The following LRRC69 variants were observed in gnomAD, a reference collection of about 807,000 sequenced individuals.
LRRC69 encodes leucine-rich repeat-containing protein 69.
In LRRC69, 42 loss-of-function variants were observed where a neutral mutation model predicts 37.8. That is an observed-to-expected ratio of 1.11 (90% confidence interval 0.87 to 1.44). The LOEUF is 1.44. LRRC69 is among the 40% of genes most tolerant of loss of function. The pLI, the probability that LRRC69 is intolerant of heterozygous loss-of-function variation, is 0.00. For missense variants in LRRC69, 357 were observed against 401.9 expected (o/e 0.89, Z 0.96); for synonymous variants, 141 against 143.1 (o/e 0.99, Z 0.11).
chr8:91,168,904 C>G (rs1341657450), intron 5 of LRRC69, among the ~76,000 whole-genome samples: 1 of 151,802 alleles, frequency 6.6e-6, no homozygotes, highest in East Asian at 1.9e-4. Context: ...TACTTTTGAG[C>G]CCTTATTCTG....
intron 5 of LRRC69, among the ~76,000 whole-genome samples, chr8:91,176,134 A>ATATATATATATAT: frequency 1.6e-4 from 12 of 75,710 alleles, no homozygotes; most frequent in African/African-American, 4.3e-4. Context: ...ATATATATAT[A>ATATATATATATAT]TTTTTTTTTT....
At chr8:91,160,432 G>C (rs1054042435) in intron 5 of LRRC69, among the ~76,000 whole-genome samples, 1 of 150,876 alleles carries the variant, frequency 6.6e-6, no homozygotes, top group Non-Finnish European at 1.5e-5. Flanking sequence ...GTACTGACAT[G>C]GTTTGGCTCT....
chr8:91,143,266 A>C (rs1586242939), intron 5 of LRRC69, among the ~76,000 whole-genome samples: 2 of 152,052 alleles, frequency 1.3e-5, no homozygotes, highest in African/African-American at 4.8e-5. Context: ...GTCTTTTTAA[A>C]GTTCACCCTT....
At chr8:91,171,153 GA>G (rs35505592) in intron 5 of LRRC69, among the ~76,000 whole-genome samples, 25 of 151,968 alleles carry the variant, frequency 1.6e-4, no homozygotes, top group African/African-American at 5.8e-4. Context: ...CAGAATGTAT[GA>G]AAAAAAGAAT....
intron 7 of LRRC69, chr8:91,209,437 CAATA>C (rs150183776): frequency 0.66 from 98,944 of 148,882 alleles, 33,182 homozygotes; most frequent in Middle Eastern, 0.75. Context: ...AACTATGTCT[CAATA>C]AATAAATAAA....
chr8:91,121,177 T>G (rs1187917796), intron 1 of LRRC69, among the ~76,000 whole-genome samples: 1 of 152,058 alleles, frequency 6.6e-6, no homozygotes, highest in Non-Finnish European at 1.5e-5. Context: ...CTAAAGCCAT[T>G]GCCTCTTGCC....
At chr8:91,187,397 C>G (rs1358199395) in intron 5 of LRRC69, among the ~76,000 whole-genome samples, 1 of 152,176 alleles carries the variant, frequency 6.6e-6, no homozygotes, top group African/African-American at 2.4e-5. Context: ...CCAGTCTAGA[C>G]TGAAAAGGAG....
chr8:91,127,662 A>C (rs1813744070), intron 3 of LRRC69, among the ~76,000 whole-genome samples: 1 of 147,676 alleles, frequency 6.8e-6, no homozygotes, highest in Admixed American at 6.8e-5. Flanking sequence ...ATATCTGCAC[A>C]GGCAGAATGC....
intron 6 of LRRC69, among the ~76,000 whole-genome samples, chr8:91,198,600 A>G (rs1046787352): frequency 5.9e-5 from 9 of 152,154 alleles, no homozygotes; most frequent in African/African-American, 2.2e-4. Context: ...AGGACATATA[A>G]AATCAATTTC....
At chr8:91,190,383 G>T (rs114782522) in intron 6 of LRRC69, among the ~76,000 whole-genome samples, 1 of 151,416 alleles carries the variant, frequency 6.6e-6, no homozygotes, top group Non-Finnish European at 1.5e-5. Context: ...CTTTTAAAAA[G>T]TTTCTTACTA....
chr8:91,200,594 A>ATTT lies in LRRC69; in HGVS notation c.754-11_754-9dup. The ATTT allele has an allele frequency of 7.8e-7, 1 of 1,274,832 alleles. No individual in the cohort carries two copies. The highest frequency in any genetic ancestry group is 3.8e-5 in the Admixed American group (1 of 26,082). The allele number at this position is 1,274,832 out of a possible 1,614,324, so 79.0% of individuals were successfully genotyped here. ...TTTTGAAAACAATCTGAGGAACTGT[A>ATTT]TTTTTTTTTTCAATTTAGGAAATAA... is the stretch of plus-strand genomic sequence containing the variant. On this transcript the variant is annotated intron_variant, in intron 6 of 7. Coordinates refer to ENST00000448384, the Ensembl canonical transcript of LRRC69.
intron 5 of LRRC69, among the ~76,000 whole-genome samples, chr8:91,149,252 A>G (rs572997084): frequency 4.9e-4 from 75 of 151,948 alleles, no homozygotes; most frequent in Non-Finnish European, 9.0e-4. Context: ...TTCTTGAATT[A>G]ATTTTTGTAT....
intron 5 of LRRC69, among the ~76,000 whole-genome samples, chr8:91,148,398 C>A (rs1247629959): frequency 1.3e-5 from 2 of 151,802 alleles, no homozygotes; most frequent in African/African-American, 2.4e-5. Flanking sequence ...CATGTCCCTA[C>A]AAAGGACATG....
intron 5 of LRRC69, among the ~76,000 whole-genome samples, chr8:91,180,109 T>A (rs1809299009): frequency 6.6e-6 from 1 of 152,212 alleles, no homozygotes; most frequent in African/African-American, 2.4e-5. Context: ...GTATAACACA[T>A]TACCCCAAAA....
chr8:91,160,163 A>ATTTTTTCTTTTTTTT (rs542120217), intron 5 of LRRC69, among the ~76,000 whole-genome samples: 9 of 150,508 alleles, frequency 6.0e-5, no homozygotes, highest in Middle Eastern at 6.8e-3. Context: ...AAATGGGATA[A>ATTTTTTCTTTTTTTT]TTTTTTCTTG....
Position 91,200,654 on chromosome 8 carries a change from TA to T in LRRC69, c.797del (p.Asn266ThrfsTer4). On this transcript the variant is annotated frameshift_variant, in exon 7 of 8. Transcript: ENST00000448384. LOFTEE classifies it high-confidence loss of function. ...TTGTAATGAATCAGCTAGCAGAAAA[TA>T]ACCCTTTCCTAATGGATGACATAGA... 1 of 1,471,570 alleles carries T rather than the reference TA, an allele frequency of 6.8e-7. No individual in the cohort carries two copies. The highest frequency in any genetic ancestry group is 1.7e-4 in the Middle Eastern group (1 of 5,784). The allele number at this position is 1,471,570 out of a possible 1,614,324, so 91.2% of individuals were successfully genotyped here. A position where few individuals can be genotyped will look rare whatever the true frequency, so the allele number is the denominator to read the frequency against.
At chr8:91,206,195 A>T (rs980142867) in intron 7 of LRRC69, among the ~76,000 whole-genome samples, 2 of 152,240 alleles carry the variant, frequency 1.3e-5, no homozygotes, top group African/African-American at 4.8e-5. Context: ...GTTTGTCAAC[A>T]TATTACATCT....
Position 91,148,239 on chromosome 8 carries a change from C to A in LRRC69, c.651+12500C>A, listed in dbSNP as rs546527156. 8.6e-5 allele frequency among the ~76,000 whole-genome samples: 13 copies of A among 150,976 alleles called. No individual in the cohort carries two copies. The South Asian group carries it at 1.3e-3, about 15-fold the overall frequency. On this transcript the variant is annotated intron_variant, in intron 5 of 7. Coordinates refer to ENST00000448384, the Ensembl canonical transcript of LRRC69. ...TAATGCTATACCTCCCCGCTCCCCC[C>A]ACCCCACATCAGGCCCCAGTGTGTG...
intron 1 of LRRC69, among the ~76,000 whole-genome samples, chr8:91,108,003 C>T (rs1374960942): frequency 6.6e-6 from 1 of 152,054 alleles, no homozygotes; most frequent in Admixed American, 6.5e-5. Flanking sequence ...ACAAAGGTTC[C>T]TCACAGGTAA....
Sources: allele counts gnomAD v4.1 joint callset (sites outside exome capture counted in the v4.1 genomes callset), GRCh38; gene constraint gnomAD v4.1.1; transcripts MANE v1.5; gene names NCBI Gene and HGNC (gene_info 2026-07-23, HGNC 2026-07-21).